CNTNAP3B: variants seen among roughly 807,000 people sequenced by gnomAD.
The protein encoded by CNTNAP3B is contactin associated protein family member 3B.
Under a neutral mutation model 108.9 loss-of-function variants are expected in CNTNAP3B, and 25 were observed. The ratio of observed to expected loss-of-function variants is 0.23; its 90% confidence interval spans 0.17 to 0.32. CNTNAP3B has a LOEUF of 0.32. Ranked by LOEUF, CNTNAP3B falls within the 10% of genes least tolerant of loss-of-function variation. The probability of loss-of-function intolerance (pLI) is 1.00; values close to 1 mark genes in which losing one functional copy is unlikely to be tolerated. For synonymous variants in CNTNAP3B, 103 were observed against 473.4 expected (o/e 0.22, Z 10.16); for missense variants, 252 against 1,210.4 (o/e 0.21, Z 11.75).
At chr9:41,954,185 A>T (rs1323054195) in intron 12 of CNTNAP3B, among the ~76,000 whole-genome samples, 2 of 152,262 alleles carry the variant, frequency 1.3e-5, no homozygotes, top group African/African-American at 4.8e-5. Context: ...AGAATAATGG[A>T]CATTTTACAT....
intron 10 of CNTNAP3B, among the ~76,000 whole-genome samples, chr9:41,967,622 A>T (rs1277638827): frequency 2.5e-3 from 378 of 152,202 alleles, no homozygotes; most frequent in African/African-American, 8.0e-3. Context: ...GTGAATTTTC[A>T]GTATTTTCAG....
At chr9:41,935,817 A>T (rs1186557081) in intron 14 of CNTNAP3B, among the ~76,000 whole-genome samples, 9 of 152,266 alleles carry the variant, frequency 5.9e-5, no homozygotes, top group African/African-American at 1.9e-4. Context: ...TCTCTCCTGA[A>T]TTTTTTTCCA....
intron 3 of CNTNAP3B, among the ~76,000 whole-genome samples, chr9:42,030,210 C>T (rs62554968): frequency 0.4 from 23,833 of 60,028 alleles, 5,003 homozygotes; most frequent in East Asian, 0.64. Flanking sequence ...ATGATAGCCA[C>T]TCTTTCACTG....
intron 1 of CNTNAP3B, among the ~76,000 whole-genome samples, chr9:42,118,289 C>A (rs1236323756): frequency 2.2e-5 from 3 of 139,380 alleles, no homozygotes; most frequent in Non-Finnish European, 4.6e-5. Context: ...AAAATACTGG[C>A]AAACTGAATA....
chr9:42,093,073 G>A lies in CNTNAP3B; in HGVS notation c.196+11556C>T, dbSNP rs190229089. Among the ~76,000 whole-genome samples, 84 of 96,694 alleles carry A rather than the reference G, an allele frequency of 8.7e-4. 35 individuals are homozygous for A. In the East Asian group the frequency reaches 0.026, roughly 29 times the overall value. 63.4% of individuals were successfully genotyped at this position (96,694 alleles called of 152,430 possible). A position where few individuals can be genotyped will look rare whatever the true frequency, so the allele number is the denominator to read the frequency against. ...CTGTTGATACTACTAATTGCCGGGC[G>A]CGGTGGCTCACACCTGTAATCCCAG... On this transcript the variant is annotated intron_variant, in intron 2 of 23. Transcript: ENST00000377561.
At chr9:41,942,579 C>G in intron 13 of CNTNAP3B, among the ~76,000 whole-genome samples, 2 of 149,664 alleles carry the variant, frequency 1.3e-5, no homozygotes, top group Non-Finnish European at 3.0e-5. Context: ...CCACTGCACT[C>G]CAGCCTGGGC....
At chr9:41,942,311 T>C (rs1430695603) in intron 13 of CNTNAP3B, among the ~76,000 whole-genome samples, 1 of 152,130 alleles carries the variant, frequency 6.6e-6, no homozygotes, top group East Asian at 1.9e-4. Flanking sequence ...CCATCTCTAC[T>C]AAAAATACAA....
intron 15 of CNTNAP3B, among the ~76,000 whole-genome samples, chr9:41,928,380 C>T (rs1417360497): frequency 1.3e-5 from 2 of 152,018 alleles, no homozygotes; most frequent in Non-Finnish European, 2.9e-5. Flanking sequence ...AGATGAGGAG[C>T]CCCCAGACAA....
At chr9:42,041,368 A>G (rs1326242185) in intron 3 of CNTNAP3B, among the ~76,000 whole-genome samples, 2 of 151,398 alleles carry the variant, frequency 1.3e-5, no homozygotes, top group African/African-American at 2.4e-5. Flanking sequence ...CAGAATCTAC[A>G]AAGAATTTAA....
At chr9:42,095,174 A>G (rs1827874978) in intron 2 of CNTNAP3B, among the ~76,000 whole-genome samples, 2 of 135,460 alleles carry the variant, frequency 1.5e-5, no homozygotes, top group South Asian at 4.7e-4. Flanking sequence ...CCCCTTCCCT[A>G]TCCACCTTCT....
At chr9:41,965,886 T>C (rs1440011315) in intron 10 of CNTNAP3B, among the ~76,000 whole-genome samples, 1 of 151,802 alleles carries the variant, frequency 6.6e-6, no homozygotes, top group Non-Finnish European at 1.5e-5. Context: ...ATCCGCAGCA[T>C]TCCCTACCCT....
rs997509935 is a variant in CNTNAP3B, at chr9:42,077,173, G to A, written c.197-111C>T. The A allele has an allele frequency of 5.2e-5, 32 of 617,768 alleles. 2 individuals carry two copies. The highest frequency in any genetic ancestry group is 4.4e-4 in the African/African-American group (16 of 36,284). 38.3% of individuals were successfully genotyped at this position (617,768 alleles called of 1,614,324 possible). A position where few individuals can be genotyped will look rare whatever the true frequency, so the allele number is the denominator to read the frequency against. Reference sequence around the variant, plus strand: ...ATGAATATATATTAAGAAAATCATCGATTTACAATAGAAAAAATAGAATAA... The same window carrying A: ...ATGAATATATATTAAGAAAATCATCAATTTACAATAGAAAAAATAGAATAA... On this transcript the variant is annotated intron_variant, in intron 2 of 23. Transcript: ENST00000377561.
At chr9:41,923,237 G>C (rs1486017430) in intron 16 of CNTNAP3B, among the ~76,000 whole-genome samples, 18 of 146,580 alleles carry the variant, frequency 1.2e-4, no homozygotes, top group African/African-American at 4.6e-4. Context: ...ATTTACAAAC[G>C]GCTCAAAGTC....
intron 1 of CNTNAP3B, among the ~76,000 whole-genome samples, chr9:42,116,291 CA>C (rs1424871876): frequency 7.6e-6 from 1 of 132,362 alleles, no homozygotes; most frequent in Non-Finnish European, 1.6e-5. Context: ...GGGTTACTCA[CA>C]AAGGGAAGCC....
chr9:42,068,099 G>A (rs1377964822), intron 3 of CNTNAP3B, among the ~76,000 whole-genome samples: 1 of 131,668 alleles, frequency 7.6e-6, no homozygotes, highest in Non-Finnish European at 1.6e-5. Context: ...ACACTTCTCT[G>A]ATTTGTCAAT....
chr9:41,938,603 C>T (rs1460032715), intron 13 of CNTNAP3B, among the ~76,000 whole-genome samples: 1 of 152,280 alleles, frequency 6.6e-6, no homozygotes, highest in African/African-American at 2.4e-5. Flanking sequence ...ATTTCAATAT[C>T]TAGGCTTAAA....
intron 15 of CNTNAP3B, among the ~76,000 whole-genome samples, chr9:41,924,500 A>G (rs1823754685): frequency 6.6e-6 from 1 of 152,302 alleles, no homozygotes; most frequent in South Asian, 2.1e-4. Context: ...AAGGGAAATA[A>G]TTCTAAAGAA....
At chr9:42,077,637 G>T (rs1827520292) in intron 2 of CNTNAP3B, among the ~76,000 whole-genome samples, 1 of 132,846 alleles carries the variant, frequency 7.5e-6, no homozygotes, top group South Asian at 2.4e-4. Flanking sequence ...GGAGATATTG[G>T]TTAAAAAATA....
At chr9:42,077,710 T>A (rs1827521939) in intron 2 of CNTNAP3B, among the ~76,000 whole-genome samples, 1 of 118,394 alleles carries the variant, frequency 8.4e-6, no homozygotes, top group South Asian at 2.8e-4. Flanking sequence ...TGCACTCTGC[T>A]CTCTCTGGCA....
Sources: allele counts gnomAD v4.1 joint callset (sites outside exome capture counted in the v4.1 genomes callset), GRCh38; gene constraint gnomAD v4.1.1; transcripts MANE v1.5; gene names NCBI Gene and HGNC (gene_info 2026-07-23, HGNC 2026-07-21).